The following PDE3A variants were observed in gnomAD, a reference collection of about 807,000 sequenced individuals.
PDE3A encodes cGMP-inhibited 3',5'-cyclic phosphodiesterase 3A.
A neutral mutation model predicts 98.3 loss-of-function variants in PDE3A; 43 were observed. The ratio of observed to expected loss-of-function variants is 0.44; its 90% confidence interval spans 0.34 to 0.56. PDE3A has a LOEUF of 0.56. PDE3A is among the 20% of genes least tolerant of loss of function. The pLI is 0.01. For missense variants in PDE3A, 1,427 were observed against 1,440.7 expected, an observed-to-expected ratio of 0.99 and a Z score of 0.15; for synonymous variants, 663 against 567.9, an observed-to-expected ratio of 1.17 and a Z score of -2.38.
chr12:20,629,859 T>C (rs1487703465), intron 5 of PDE3A, 49 bp from the exon 6 acceptor site: 1 of 1,399,616 alleles, frequency 7.1e-7, no homozygotes, highest in African/African-American at 1.4e-5. Flanking sequence ...GTTGCAATTT[T>C]GCATTTTAAA....
intron 1 of PDE3A, among the ~76,000 whole-genome samples, chr12:20,395,622 A>C (rs956906762): frequency 1.5e-4 from 22 of 146,378 alleles, no homozygotes; most frequent in Non-Finnish European, 3.0e-4. Context: ...ATATAGTATT[A>C]TATATGTATA....
intron 5 of PDE3A, among the ~76,000 whole-genome samples, chr12:20,625,626 A>T (rs1250834542): frequency 6.6e-6 from 1 of 152,178 alleles, no homozygotes; most frequent in Non-Finnish European, 1.5e-5. Context: ...TTTTTGTTCC[A>T]TTAAAATTAA....
intron 1 of PDE3A, among the ~76,000 whole-genome samples, chr12:20,408,954 TC>T (rs1364486093): frequency 6.6e-6 from 1 of 152,188 alleles, no homozygotes; most frequent in Non-Finnish European, 1.5e-5. Flanking sequence ...TGTGTATTTT[TC>T]CTTCTTCCTT....
At chr12:20,546,147 G>T (rs1210220445) in intron 1 of PDE3A, among the ~76,000 whole-genome samples, 1 of 151,944 alleles carries the variant, frequency 6.6e-6, no homozygotes, top group African/African-American at 2.4e-5. Flanking sequence ...ATGCAGGTGG[G>T]TAAGTCTTTT....
chr12:20,373,055 C>G (rs549208331), intron 1 of PDE3A, among the ~76,000 whole-genome samples: 5 of 151,784 alleles, frequency 3.3e-5, no homozygotes, highest in Non-Finnish European at 7.4e-5. Context: ...TTTTTTCTTT[C>G]AAGAACTGTA....
At chr12:20,667,660 G>C (rs1268430919) in intron 15 of PDE3A, among the ~76,000 whole-genome samples, 4 of 152,024 alleles carry the variant, frequency 2.6e-5, no homozygotes, top group African/African-American at 9.7e-5. Context: ...ATGCTGTTTT[G>C]TTTACTATAC....
chr12:20,452,076 C>T (rs1414518270), intron 1 of PDE3A, among the ~76,000 whole-genome samples: 1 of 152,146 alleles, frequency 6.6e-6, no homozygotes, highest in East Asian at 1.9e-4. Flanking sequence ...GGAATGCTTC[C>T]CTGGACAATG....
chr12:20,500,968 A>G (rs1455406399), intron 1 of PDE3A, among the ~76,000 whole-genome samples: 1 of 151,910 alleles, frequency 6.6e-6, no homozygotes, highest in Non-Finnish European at 1.5e-5. Context: ...GGGTGTCATC[A>G]TGTTGCCCAG....
chr12:20,624,218 G>C (rs989112027), intron 5 of PDE3A, among the ~76,000 whole-genome samples: 2 of 152,062 alleles, frequency 1.3e-5, no homozygotes, highest in African/African-American at 4.8e-5. Flanking sequence ...TTAAAACTAG[G>C]ATATTTTGGG....
intron 1 of PDE3A, among the ~76,000 whole-genome samples, chr12:20,520,312 A>T (rs1018045183): frequency 6.6e-6 from 1 of 152,210 alleles, no homozygotes; most frequent in East Asian, 1.9e-4. Context: ...CAATGACATC[A>T]TGATTCCTAA....
chr12:20,556,609 G>C, intron 1 of PDE3A, 51 bp from the exon 2 acceptor site: 1 of 1,134,600 alleles, frequency 8.8e-7, no homozygotes, highest in Non-Finnish European at 1.3e-6. Flanking sequence ...GAAGAAAAAT[G>C]TTTGTCAGGT....
chr12:20,379,998 T>C (rs976376651), intron 1 of PDE3A, among the ~76,000 whole-genome samples: 2 of 151,704 alleles, frequency 1.3e-5, no homozygotes, highest in Non-Finnish European at 3.0e-5. Context: ...TTTAGAAAAA[T>C]AAAATGTCAA....
chr12:20,673,172 A>T (rs1945536649), intron 15 of PDE3A, among the ~76,000 whole-genome samples: 1 of 152,234 alleles, frequency 6.6e-6, no homozygotes, highest in African/African-American at 2.4e-5. Flanking sequence ...ACCATTTAGA[A>T]TGGCAATCAT....
At chr12:20,472,491 G>C (rs1304827088) in intron 1 of PDE3A, among the ~76,000 whole-genome samples, 1 of 152,018 alleles carries the variant, frequency 6.6e-6, no homozygotes, top group Non-Finnish European at 1.5e-5. Context: ...TCCTAAAGGT[G>C]CAACTATTTA....
At chr12:20,479,635 G>A (rs933959045) in intron 1 of PDE3A, among the ~76,000 whole-genome samples, 1 of 152,134 alleles carries the variant, frequency 6.6e-6, no homozygotes, top group Non-Finnish European at 1.5e-5. Flanking sequence ...TTGAGTTTAT[G>A]GTCAAACATG....
intron 1 of PDE3A, among the ~76,000 whole-genome samples, chr12:20,411,374 C>G (rs962208640): frequency 1.2e-4 from 18 of 152,076 alleles, no homozygotes; most frequent in African/African-American, 4.3e-4. Flanking sequence ...CTTTAGGTAC[C>G]TTTTAGAAGT....
At chr12:20,576,523 G>A (rs985233735) in intron 2 of PDE3A, among the ~76,000 whole-genome samples, 1 of 152,060 alleles carries the variant, frequency 6.6e-6, no homozygotes, top group Non-Finnish European at 1.5e-5. Context: ...TTTGGCAGAA[G>A]CATTAAGATA....
intron 1 of PDE3A, among the ~76,000 whole-genome samples, chr12:20,429,902 T>G (rs570136114): frequency 6.6e-6 from 1 of 152,108 alleles, no homozygotes; most frequent in African/African-American, 2.4e-5. Context: ...AGCACCCAAA[T>G]GCCAACATCT....
intron 1 of PDE3A, among the ~76,000 whole-genome samples, chr12:20,465,582 T>C (rs1409361193): frequency 6.6e-6 from 1 of 151,952 alleles, no homozygotes; most frequent in Admixed American, 6.6e-5. Context: ...GCTAATTTCT[T>C]GTGTGTTTAG....
Sources: allele counts gnomAD v4.1 joint callset (sites outside exome capture counted in the v4.1 genomes callset), GRCh38; gene constraint gnomAD v4.1.1; transcripts MANE v1.5; gene names NCBI Gene and HGNC (gene_info 2026-07-23, HGNC 2026-07-21).